The following GREM2 variants were observed in gnomAD, a reference collection of about 807,000 sequenced individuals.
GREM2 encodes gremlin-2.
GREM2 carries 11 observed loss-of-function variants against 14.2 expected under a neutral mutation model. The observed-to-expected ratio is 0.78, with a 90% CI of 0.49 to 1.28. The LOEUF is 1.28. Ranked by LOEUF, GREM2 falls within the 50% of genes most tolerant of loss-of-function variation. GREM2 has a pLI of 0.00. For missense variants in GREM2, 210 were observed against 218.5 expected, an observed-to-expected ratio of 0.96 and a Z score of 0.24; for synonymous variants, 98 against 97.6, an observed-to-expected ratio of 1.00 and a Z score of -0.02.
chr1:240,493,436 C>T lies in GREM2; in HGVS notation c.40G>A (p.Val14Met), dbSNP rs759621783. The T allele has an allele frequency of 6.2e-7, 1 of 1,611,388 alleles. No homozygotes were observed. The highest frequency in any genetic ancestry group is 8.5e-7 in the Non-Finnish European group (1 of 1,178,802). ...KLSLSLFLVA[V>M]LVKVAEARKN... is the part of the protein sequence containing the mutation. ...CGGGCTTCCGCCACCTTCACCAGCA[C>T]CGCCACCAGGAACAAGGACAGGGAA... Residue 14 changes from valine to methionine, a missense_variant, in exon 2 of 2, where the codon GTG becomes ATG. Coordinates refer to ENST00000318160, the MANE Select transcript of GREM2 (RefSeq NM_022469.4).
chr1:240,548,573 G>A (rs1678783452), intron 1 of GREM2, among the ~76,000 whole-genome samples: 1 of 152,154 alleles, frequency 6.6e-6, no homozygotes, highest in Non-Finnish European at 1.5e-5. Context: ...ACTGGTTTTG[G>A]CTAAAAATAT....
At chr1:240,517,478 T>C (rs1441993613) in intron 1 of GREM2, among the ~76,000 whole-genome samples, 2 of 152,218 alleles carry the variant, frequency 1.3e-5, no homozygotes, top group African/African-American at 4.8e-5. Context: ...ATCTCACAAA[T>C]ACAAGGAGAA....
At position 240,493,366 on chromosome 1, in the gene GREM2, C is replaced by T; in HGVS notation, c.110G>A (p.Gly37Asp). Reference protein sequence around the residue: ...AGAIPSPYKDGSSNNSERWQH... With the variant: ...AGAIPSPYKDDSSNNSERWQH... ...CCATCTCTCCGAGTTGTTGCTGCTG[C>T]CGTCCTTGTAAGGCGAGGGGATGGC... Residue 37 changes from glycine to aspartate, a missense_variant, in exon 2 of 2, where the codon GGC becomes GAC. By Grantham distance (94) the Gly-to-Asp change is moderately conservative. Transcript: ENST00000318160. 6.2e-7 allele frequency: 1 copy of T among 1,613,970 alleles called. No individual in the cohort carries two copies. The highest frequency in any genetic ancestry group is 8.5e-7 in the Non-Finnish European group (1 of 1,180,016).
intron 1 of GREM2, among the ~76,000 whole-genome samples, chr1:240,568,086 G>C (rs1679199777): frequency 6.6e-6 from 1 of 152,118 alleles, no homozygotes; most frequent in African/African-American, 2.4e-5. Context: ...TCCAGCCTGG[G>C]TGACAGAGTG....
intron 1 of GREM2, among the ~76,000 whole-genome samples, chr1:240,608,843 A>AT (rs138320868): frequency 0.011 from 1,738 of 152,110 alleles, 42 homozygotes; most frequent in African/African-American, 0.04. Flanking sequence ...TTGGAGGGAG[A>AT]TTTTTTAGCC....
chr1:240,529,634 T>G (rs1304445908), intron 1 of GREM2, among the ~76,000 whole-genome samples: 1 of 152,092 alleles, frequency 6.6e-6, no homozygotes, highest in Non-Finnish European at 1.5e-5. Flanking sequence ...CTCTTAATCA[T>G]GAAATTCCAA....
intron 1 of GREM2, among the ~76,000 whole-genome samples, chr1:240,541,099 C>T (rs1038088730): frequency 9.2e-5 from 14 of 152,174 alleles, no homozygotes; most frequent in African/African-American, 3.4e-4. Context: ...TGGCCATAAA[C>T]CCTTTTGAAA....
intron 1 of GREM2, chr1:240,531,587 T>G (rs562664296): frequency 1.1e-4 from 103 of 914,684 alleles, no homozygotes; most frequent in Non-Finnish European, 1.3e-4. Flanking sequence ...AACAGAATAG[T>G]GGAGTTGGTG....
At chr1:240,510,149 C>T (rs78065722) in intron 1 of GREM2, among the ~76,000 whole-genome samples, 38,325 of 151,780 alleles carry the variant, frequency 0.25, 5,064 homozygotes, top group African/African-American at 0.34. Flanking sequence ...GCGGGCGGAT[C>T]ACGAGGTCAG....
intron 1 of GREM2, among the ~76,000 whole-genome samples, chr1:240,584,193 TA>T (rs1438859806): frequency 3.9e-5 from 6 of 151,936 alleles, no homozygotes; most frequent in African/African-American, 1.4e-4. Context: ...ACCCCATCTC[TA>T]CAAAAAATTT....
chr1:240,537,357 A>C (rs913961092), intron 1 of GREM2, among the ~76,000 whole-genome samples: 1 of 152,114 alleles, frequency 6.6e-6, no homozygotes, highest in South Asian at 2.1e-4. Context: ...GGAGCAAGGA[A>C]TTCCTGCCTG....
At chr1:240,589,435 C>CA (rs757821855) in intron 1 of GREM2, among the ~76,000 whole-genome samples, 23 of 133,650 alleles carry the variant, frequency 1.7e-4, no homozygotes, top group South Asian at 2.4e-4. Context: ...AACTCCATCT[C>CA]AGAAAAAAAG....
chr1:240,573,328 A>G (rs1020329208), intron 1 of GREM2, among the ~76,000 whole-genome samples: 1 of 152,144 alleles, frequency 6.6e-6, no homozygotes, highest in African/African-American at 2.4e-5. Context: ...ACATAAAATA[A>G]AAAACATCAC....
intron 1 of GREM2, among the ~76,000 whole-genome samples, chr1:240,495,776 A>G (rs931118336): frequency 6.6e-6 from 1 of 152,150 alleles, no homozygotes. Context: ...TATTTCTCTG[A>G]GTCTTAGTCT....
chr1:240,546,307 C>T lies in GREM2; in HGVS notation c.-1-52831G>A, dbSNP rs573341273. On this transcript the variant is annotated intron_variant, in intron 1 of 1. Coordinates refer to ENST00000318160, the MANE Select transcript of GREM2 (RefSeq NM_022469.4). ...TGAGCCAAGATCGCGCTACTGCACT[C>T]CAGCCTGGTTGACAGAGTAAGGGAG... Among the ~76,000 whole-genome samples, 6 of 151,750 alleles carry T rather than the reference C, an allele frequency of 4.0e-5. No homozygotes were observed. In the South Asian group the frequency reaches 1.3e-3, roughly 32 times the overall value.
At chr1:240,609,468 A>C (rs1009842393) in intron 1 of GREM2, among the ~76,000 whole-genome samples, 11 of 151,992 alleles carry the variant, frequency 7.2e-5, no homozygotes, top group African/African-American at 2.7e-4. Context: ...ACTATCAAGA[A>C]GCAGCTAATC....
chr1:240,558,407 A>G (rs947127897), intron 1 of GREM2, among the ~76,000 whole-genome samples: 1 of 152,142 alleles, frequency 6.6e-6, no homozygotes, highest in African/African-American at 2.4e-5. Context: ...TTTTTTTTAA[A>G]TATTGAAAAG....
At chr1:240,532,634 GATAT>G (rs35703380) in intron 1 of GREM2, among the ~76,000 whole-genome samples, 50,806 of 147,948 alleles carry the variant, frequency 0.34, 9,187 homozygotes, top group Admixed American at 0.41. Context: ...TTATATAAGA[GATAT>G]ATATAGATAG....
intron 1 of GREM2, among the ~76,000 whole-genome samples, chr1:240,604,183 G>A (rs914619196): frequency 1.3e-5 from 2 of 151,834 alleles, no homozygotes; most frequent in African/African-American, 2.4e-5. Context: ...CCATTAATGC[G>A]GGATCTACCC....
Sources: allele counts gnomAD v4.1 joint callset (sites outside exome capture counted in the v4.1 genomes callset), GRCh38; gene constraint gnomAD v4.1.1; transcripts MANE v1.5; gene names NCBI Gene and HGNC (gene_info 2026-07-23, HGNC 2026-07-21).